RAB38: variants seen among roughly 807,000 people sequenced by gnomAD.
RAB38 encodes RAB38, member RAS oncogene family.
A neutral mutation model predicts 18.4 loss-of-function variants in RAB38; 15 were observed. That is an observed-to-expected ratio of 0.82 (90% CI 0.55 to 1.26). The LOEUF is 1.26. Among genes scored for constraint, RAB38 ranks in the 50% most tolerant of loss-of-function variants. The pLI, the probability that RAB38 is intolerant of heterozygous loss-of-function variation, is 0.00. For missense variants in RAB38, 294 were observed against 267.4 expected (o/e 1.10, Z -0.69); for synonymous variants, 101 against 104.4 (o/e 0.97, Z 0.20).
chr11:87,922,984 TAAAA>T, the RAB38 span, among the ~76,000 whole-genome samples: 1 of 149,844 alleles, frequency 6.7e-6, no homozygotes, highest in African/African-American at 2.5e-5. Context: ...AAGGAGAAAA[TAAAA>T]GAATAGGGGA....
chr11:88,010,867 A>T, the RAB38 span, among the ~76,000 whole-genome samples: 1 of 151,990 alleles, frequency 6.6e-6, no homozygotes, highest in Non-Finnish European at 1.5e-5. Context: ...CAAGCTCCCA[A>T]CCTTCAGTAT....
chr11:88,122,180 A>G (rs1942638996), intron 2 of RAB38, among the ~76,000 whole-genome samples: 1 of 152,206 alleles, frequency 6.6e-6, no homozygotes, highest in Admixed American at 6.5e-5. Context: ...TCTTTTTGAC[A>G]GTTTACTATT....
At chr11:88,033,048 TAA>T in the RAB38 span, among the ~76,000 whole-genome samples, 3 of 152,114 alleles carry the variant, frequency 2.0e-5, no homozygotes, top group Admixed American at 1.3e-4. Flanking sequence ...TATGCAGCCA[TAA>T]AAAATGATGA....
chr11:88,083,530 C>A, the RAB38 span, among the ~76,000 whole-genome samples: 1 of 151,808 alleles, frequency 6.6e-6, no homozygotes, highest in Admixed American at 6.6e-5. Context: ...TTGTTTATTT[C>A]TCCCGATGAT....
At chr11:88,030,440 G>T in the RAB38 span, among the ~76,000 whole-genome samples, 1 of 152,250 alleles carries the variant, frequency 6.6e-6, no homozygotes, top group African/African-American at 2.4e-5. Flanking sequence ...GAATCCAGAA[G>T]CTGGTTTTTT....
At chr11:88,174,037 G>A (rs1231503616) in intron 1 of RAB38, 13 of 985,308 alleles carry the variant, frequency 1.3e-5, no homozygotes, top group Non-Finnish European at 1.6e-5. Flanking sequence ...TATAACGAAA[G>A]GTTCCTGGTG....
chr11:88,077,335 T>G, the RAB38 span, among the ~76,000 whole-genome samples: 3 of 151,856 alleles, frequency 2.0e-5, no homozygotes, highest in South Asian at 6.2e-4. Context: ...AGAGCCCAAA[T>G]AGCCAAAGCA....
the RAB38 span, among the ~76,000 whole-genome samples, chr11:87,810,055 C>T: frequency 6.6e-6 from 1 of 151,952 alleles, no homozygotes; most frequent in South Asian, 2.1e-4. Context: ...AACATTTTTC[C>T]AATAATACTT....
At chr11:88,154,915 T>C (rs775502495) in intron 1 of RAB38, among the ~76,000 whole-genome samples, 16 of 152,252 alleles carry the variant, frequency 1.1e-4, no homozygotes, top group Non-Finnish European at 2.1e-4. Context: ...CTCACCTGAA[T>C]TGGCAGCCTG....
At chr11:88,047,367 T>C in the RAB38 span, among the ~76,000 whole-genome samples, 1 of 152,134 alleles carries the variant, frequency 6.6e-6, no homozygotes, top group Non-Finnish European at 1.5e-5. Flanking sequence ...ACACACTTGG[T>C]TTATTGATGG....
At chr11:88,024,900 A>G in the RAB38 span, among the ~76,000 whole-genome samples, 15 of 130,420 alleles carry the variant, frequency 1.2e-4, no homozygotes, top group African/African-American at 3.6e-4. Context: ...GGAGATGATT[A>G]ATGGGCACAA....
the RAB38 span, among the ~76,000 whole-genome samples, chr11:87,857,376 C>T: frequency 1.3e-5 from 2 of 152,110 alleles, no homozygotes; most frequent in South Asian, 4.1e-4. Flanking sequence ...TGGATATATA[C>T]CCAGTAATGG....
At chr11:88,005,773 T>A in the RAB38 span, among the ~76,000 whole-genome samples, 1 of 151,590 alleles carries the variant, frequency 6.6e-6, no homozygotes, top group Non-Finnish European at 1.5e-5. Flanking sequence ...AGTTAATTTC[T>A]GTATATGGTG....
intron 1 of RAB38, among the ~76,000 whole-genome samples, chr11:88,152,641 C>T (rs1209650499): frequency 6.6e-6 from 1 of 152,194 alleles, no homozygotes; most frequent in African/African-American, 2.4e-5. Context: ...CCTTTGTCAG[C>T]TGACAGTCCT....
the RAB38 span, among the ~76,000 whole-genome samples, chr11:87,826,019 A>G: frequency 6.6e-6 from 1 of 152,138 alleles, no homozygotes; most frequent in Non-Finnish European, 1.5e-5. Flanking sequence ...ATGAAGAAAA[A>G]TATTGGGAAA....
chr11:87,965,292 T>TAA, the RAB38 span, among the ~76,000 whole-genome samples: 11,012 of 146,576 alleles, frequency 0.075, 508 homozygotes, highest in Middle Eastern at 0.12. Flanking sequence ...TGTGTCTCAA[T>TAA]AAAAAAAAAA....
chr11:87,954,934 GA>G, the RAB38 span, among the ~76,000 whole-genome samples: 1 of 152,182 alleles, frequency 6.6e-6, no homozygotes, highest in South Asian at 2.1e-4. Context: ...AAAATAAGCA[GA>G]GGAAAGAATT....
the RAB38 span, among the ~76,000 whole-genome samples, chr11:88,079,983 C>G: frequency 6.6e-6 from 1 of 151,192 alleles, no homozygotes; most frequent in African/African-American, 2.4e-5. Flanking sequence ...AGACTGAGAA[C>G]AAGATAGGAA....
At chr11:88,039,023 G>A in the RAB38 span, among the ~76,000 whole-genome samples, 11 of 152,120 alleles carry the variant, frequency 7.2e-5, no homozygotes, top group Admixed American at 2.6e-4. Flanking sequence ...AAAATAATGA[G>A]GAATCAAAGA....
Sources: allele counts gnomAD v4.1 joint callset (sites outside exome capture counted in the v4.1 genomes callset), GRCh38; gene constraint gnomAD v4.1.1; transcripts MANE v1.5; gene names NCBI Gene and HGNC (gene_info 2026-07-23, HGNC 2026-07-21).